Variants in ATP8B4 observed in about 807,000 individuals in gnomAD.
ATP8B4 encodes ATPase phospholipid transporting 8B4 (putative).
ATP8B4 carries 133 observed loss-of-function variants against 145.6 expected under a neutral mutation model. The ratio of observed to expected loss-of-function variants is 0.91; its 90% confidence interval spans 0.79 to 1.05. ATP8B4 has a LOEUF of 1.05. Ranked by LOEUF, ATP8B4 falls within the 50% of genes least tolerant of loss-of-function variation. The pLI is 0.00. For missense variants in ATP8B4, 1,458 were observed against 1,425.2 expected (o/e 1.02, Z -0.37); for synonymous variants, 507 against 492.9 (o/e 1.03, Z -0.38).
intron 1 of ATP8B4, among the ~76,000 whole-genome samples, chr15:50,178,875 G>A (rs987698985): frequency 6.6e-6 from 1 of 152,118 alleles, no homozygotes; most frequent in Non-Finnish European, 1.5e-5. Flanking sequence ...ACTGTGATGG[G>A]GGAGGGGGTT....
intron 24 of ATP8B4, among the ~76,000 whole-genome samples, chr15:49,879,044 T>C (rs1047518671): frequency 2.0e-5 from 3 of 152,218 alleles, no homozygotes; most frequent in Admixed American, 2.0e-4. Context: ...TGAAAACATA[T>C]ACAGTCATAG....
intron 1 of ATP8B4, among the ~76,000 whole-genome samples, chr15:50,153,717 C>T (rs8033541): frequency 0.99 from 150,372 of 152,270 alleles, 74,275 homozygotes; most frequent in East Asian, 1. Context: ...AAAGCAAAAA[C>T]TGAACTTCTG....
At chr15:50,122,965 A>G (rs2057282838), upstream of ATP8B4, among the ~76,000 whole-genome samples, 1 of 152,228 alleles carries the variant, frequency 6.6e-6, no homozygotes, top group African/African-American at 2.4e-5. Flanking sequence ...TTAAATAAAT[A>G]ACAAATGGAT....
rs138206015 is a variant in ATP8B4 at position 49,971,090 on chromosome 15, C to T, written c.1243+1492G>A. On this transcript the variant is annotated intron_variant, in intron 13 of 27. Coordinates refer to ENST00000284509, the MANE Select transcript of ATP8B4 (RefSeq NM_024837.4). ...CATATGCAGAAAACTGTAACTGGAC[C>T]CCTTCCTTACACCTTATACAAAAAT... 7.8e-3 allele frequency among the ~76,000 whole-genome samples: 1,189 copies of T among 152,166 alleles called. 10 individuals carry two copies. Among genetic ancestry groups the T allele is most frequent in the Admixed American group, 0.016 (241 of 15,294 alleles).
chr15:49,969,463 A>T (rs1348630580), intron 13 of ATP8B4, among the ~76,000 whole-genome samples: 1 of 152,198 alleles, frequency 6.6e-6, no homozygotes, highest in African/African-American at 2.4e-5. Flanking sequence ...ATCACACAGA[A>T]ATAAAACTAC....
chr15:50,061,056 G>C (rs2052980149), intron 3 of ATP8B4, among the ~76,000 whole-genome samples: 1 of 152,156 alleles, frequency 6.6e-6, no homozygotes, highest in South Asian at 2.1e-4. Context: ...TCGTGGAGTT[G>C]AATCAATGTC....
chr15:50,005,313 A>G (rs2048216795), intron 7 of ATP8B4, among the ~76,000 whole-genome samples: 1 of 152,188 alleles, frequency 6.6e-6, no homozygotes, highest in Non-Finnish European at 1.5e-5. Context: ...AGCCAAAGAC[A>G]TTGTCCTCAT....
At chr15:49,972,376 A>T (rs938244343) in intron 13 of ATP8B4, among the ~76,000 whole-genome samples, 5 of 152,184 alleles carry the variant, frequency 3.3e-5, no homozygotes, top group Non-Finnish European at 7.3e-5. Flanking sequence ...AGTTTCATCT[A>T]AATTACTCAA....
intron 2 of ATP8B4, among the ~76,000 whole-genome samples, chr15:50,084,987 G>A (rs1183420480): frequency 2.0e-5 from 3 of 152,142 alleles, no homozygotes; most frequent in Non-Finnish European, 4.4e-5. Flanking sequence ...CAGGTTCTGG[G>A]ACGTCATTGG....
chr15:50,055,164 G>A (rs1202795523), intron 3 of ATP8B4, among the ~76,000 whole-genome samples: 1 of 152,176 alleles, frequency 6.6e-6, no homozygotes. Flanking sequence ...TGGGGAGGCT[G>A]CCAAGAACAA....
chr15:50,069,798 A>C (rs1423600777), intron 3 of ATP8B4, among the ~76,000 whole-genome samples: 1 of 152,214 alleles, frequency 6.6e-6, no homozygotes, highest in South Asian at 2.1e-4. Flanking sequence ...AGTCTGCACT[A>C]GAATTCCAGC....
chr15:49,950,284 G>T (rs929128318), intron 14 of ATP8B4, among the ~76,000 whole-genome samples: 1 of 152,062 alleles, frequency 6.6e-6, no homozygotes, highest in Non-Finnish European at 1.5e-5. Context: ...GAATCTGTCT[G>T]GTCCTGGGCT....
At chr15:49,902,999 T>C (rs935493699) in intron 20 of ATP8B4, among the ~76,000 whole-genome samples, 8 of 152,118 alleles carry the variant, frequency 5.3e-5, no homozygotes, top group African/African-American at 1.7e-4. Flanking sequence ...TTCTATTTAC[T>C]TAGGATTTTT....
intron 17 of ATP8B4, chr15:49,922,348 C>T (rs1474852475): frequency 2.4e-6 from 1 of 424,866 alleles, no homozygotes; most frequent in African/African-American, 2.1e-5. Context: ...ATAAGTCAGA[C>T]ACTTATGATT....
chr15:49,930,024 G>A (rs1256369626), intron 16 of ATP8B4, among the ~76,000 whole-genome samples: 1 of 151,956 alleles, frequency 6.6e-6, no homozygotes, highest in East Asian at 1.9e-4. Flanking sequence ...CAAAGTCAGT[G>A]GACACCAGCA....
chr15:50,161,229 C>T (rs1035213012), intron 1 of ATP8B4, among the ~76,000 whole-genome samples: 1 of 151,962 alleles, frequency 6.6e-6, no homozygotes, highest in Non-Finnish European at 1.5e-5. Context: ...GTATCTTTTT[C>T]TATCCCTTTA....
At chr15:49,986,767 A>T (rs2046633359) in intron 10 of ATP8B4, among the ~76,000 whole-genome samples, 1 of 152,236 alleles carries the variant, frequency 6.6e-6, no homozygotes, top group East Asian at 1.9e-4. Flanking sequence ...TGCTACTGTA[A>T]GCTTTCTTAG....
At chr15:49,860,664 T>G (rs1414536862) in intron 27 of ATP8B4, among the ~76,000 whole-genome samples, 189 bp from the exon 28 acceptor site, 1 of 152,236 alleles carries the variant, frequency 6.6e-6, no homozygotes, top group African/African-American at 2.4e-5. Flanking sequence ...GGTCCATTTT[T>G]ATCTCTATCG....
chr15:50,008,471 A>G (rs2048482488), intron 7 of ATP8B4, among the ~76,000 whole-genome samples: 1 of 152,266 alleles, frequency 6.6e-6, no homozygotes, highest in Non-Finnish European at 1.5e-5. Context: ...CAGTAGCCAC[A>G]AATCACATGT....
Sources: gnomAD v4.1 joint callset for allele counts (sites outside exome capture counted in the v4.1 genomes callset) on GRCh38, gnomAD v4.1.1 for gene constraint, MANE v1.5 for transcripts, NCBI Gene and HGNC (gene_info 2026-07-23, HGNC 2026-07-21) for gene names.